Variants in WNK3 observed in about 807,000 individuals in gnomAD.
WNK3 encodes WNK lysine deficient protein kinase 3.
A neutral mutation model predicts 116.7 loss-of-function variants in WNK3; 18 were observed. That is an observed-to-expected ratio of 0.15 (90% CI 0.11 to 0.23). The LOEUF is 0.23. WNK3 is among the 10% of genes least tolerant of loss of function. WNK3 has a pLI of 1.00. For missense variants in WNK3, 993 were observed against 1,323.8 expected (o/e 0.75, Z 3.88); for synonymous variants, 404 against 469.4 (o/e 0.86, Z 1.80).
At chrX:54,326,551 G>C (rs1419602257) in intron 2 of WNK3, among the ~76,000 whole-genome samples, 2 of 110,756 alleles carry the variant, frequency 1.8e-5, no homozygotes, top group Admixed American at 9.7e-5. Context: ...AAAAATTAAA[G>C]ACTGGGTGCA....
At chrX:54,249,754 C>A in intron 16 of WNK3, 120 bp from the exon 17 acceptor site, 1 of 764,813 alleles carries the variant, frequency 1.3e-6, no homozygotes, top group South Asian at 2.8e-5. Context: ...TGAAAGTACT[C>A]TCGTAAATAA....
chrX:54,255,918 C>T, intron 11 of WNK3, 31 bp from the exon 12 acceptor site: 1 of 1,126,024 alleles, frequency 8.9e-7, no homozygotes. Context: ...GTAACTCATT[C>T]CAGTCTTGAC....
chrX:54,235,453 A>G (rs1175158646), intron 20 of WNK3, among the ~76,000 whole-genome samples: 1 of 110,962 alleles, frequency 9.0e-6, no homozygotes, highest in Non-Finnish European at 1.9e-5. Context: ...CGTCTGGCTA[A>G]TTTTTGTATT....
intron 17 of WNK3, among the ~76,000 whole-genome samples, chrX:54,242,056 C>A (rs1284859887): frequency 9.1e-6 from 1 of 110,411 alleles, no homozygotes; most frequent in Non-Finnish European, 1.9e-5. Flanking sequence ...ATAGAAAATC[C>A]AAAATAATCC....
chrX:54,292,144 T>C (rs1371942297), intron 10 of WNK3, among the ~76,000 whole-genome samples: 2 of 111,925 alleles, frequency 1.8e-5, no homozygotes, highest in African/African-American at 3.2e-5. Context: ...GAAATAAACA[T>C]GAACCAAAAC....
At chrX:54,214,989 T>G (rs1416857716) in intron 22 of WNK3, among the ~76,000 whole-genome samples, 1 of 104,950 alleles carries the variant, frequency 9.5e-6, no homozygotes, top group Non-Finnish European at 2.0e-5. Context: ...TGGTGGCGGG[T>G]GCCTATAGTC....
exon 24 of WNK3, chrX:54,198,513 G>T: frequency 8.3e-7 from 1 of 1,209,074 alleles, no homozygotes; most frequent in Non-Finnish European, 1.1e-6. Context: ...ACTGACAAAC[G>T]TGAGGCATTC....
intron 21 of WNK3, among the ~76,000 whole-genome samples, chrX:54,229,903 T>C (rs1193894760): frequency 9.0e-6 from 1 of 111,720 alleles, no homozygotes; most frequent in Non-Finnish European, 1.9e-5. Flanking sequence ...AATGTAAACA[T>C]AAAACTATTA....
At chrX:54,267,472 G>C (rs1557158006) in intron 10 of WNK3, among the ~76,000 whole-genome samples, 1 of 110,758 alleles carries the variant, frequency 9.0e-6, no homozygotes, top group Admixed American at 9.7e-5. Flanking sequence ...TGGAATATGA[G>C]AGAAAGCAAA....
chrX:54,215,830 TC>T (rs1646086095), intron 22 of WNK3, among the ~76,000 whole-genome samples: 1 of 111,531 alleles, frequency 9.0e-6, no homozygotes, highest in Non-Finnish European at 1.9e-5. Context: ...GGCGGTTTTG[TC>T]GACTAGAAAA....
intron 17 of WNK3, among the ~76,000 whole-genome samples, chrX:54,246,862 G>A (rs1341886974): frequency 6.3e-5 from 7 of 111,779 alleles, no homozygotes; most frequent in Admixed American, 4.8e-4. Flanking sequence ...AAAAGTACAA[G>A]AGCATTGCAG....
At chrX:54,346,715 A>C (rs1391031707) in intron 1 of WNK3, among the ~76,000 whole-genome samples, 3 of 111,350 alleles carry the variant, frequency 2.7e-5, no homozygotes, top group Non-Finnish European at 5.6e-5. Context: ...AGTTAACCTC[A>C]ATCATTCTTC....
At chrX:54,295,130 G>C (rs984138667) in intron 7 of WNK3, among the ~76,000 whole-genome samples, 1 of 108,150 alleles carries the variant, frequency 9.2e-6, no homozygotes, top group East Asian at 2.9e-4. Context: ...AATTCCTGAC[G>C]TCGTGATCCA....
intron 2 of WNK3, among the ~76,000 whole-genome samples, chrX:54,325,741 T>TAAATG (rs1176726308): frequency 4.6e-5 from 4 of 87,887 alleles, no homozygotes; most frequent in African/African-American, 1.7e-4. Context: ...AAACAAATGA[T>TAAATG]AAATGTACTG....
At chrX:54,264,853 A>G (rs2068292865) in intron 10 of WNK3, among the ~76,000 whole-genome samples, 1 of 102,300 alleles carries the variant, frequency 9.8e-6, no homozygotes, top group Non-Finnish European at 2.0e-5. Context: ...AGCAACTAAC[A>G]TTTTTTTTTT....
Position 54,279,089 on chromosome X carries a change from T to TAAATA in WNK3, c.2037+13794_2037+13798dup, listed in dbSNP as rs782606388. Among the ~76,000 whole-genome samples, 7 of 107,521 alleles carry TAAATA rather than the reference T, an allele frequency of 6.5e-5. No homozygotes were observed. The South Asian group carries it at 2.3e-3, about 36-fold the overall frequency. 93.4% of individuals were successfully genotyped at this position (107,521 alleles called of 115,157 possible). A position where few individuals can be genotyped will look rare whatever the true frequency, so the allele number is the denominator to read the frequency against. On this transcript the variant is annotated intron_variant, in intron 10 of 23. Transcript: ENST00000354646. ...ATCTCAAAATAAATAAATAAATAAATAAATAAAATAAAATAAATAAAAACA... is the reference window on the plus strand; with the variant it reads ...ATCTCAAAATAAATAAATAAATAAATAAATAAAATAAAATAAAATAAATAAAAACA...
chrX:54,299,506 C>T (rs1199627463), intron 6 of WNK3, among the ~76,000 whole-genome samples: 1 of 97,081 alleles, frequency 1.0e-5, no homozygotes, highest in Non-Finnish European at 2.0e-5. Flanking sequence ...CTCACTGCAA[C>T]CTCCACCTCC....
At chrX:54,316,133 C>T (rs782436947) in intron 2 of WNK3, among the ~76,000 whole-genome samples, 33 of 111,427 alleles carry the variant, frequency 3.0e-4, no homozygotes, top group African/African-American at 1.0e-3. Context: ...CTCTCTCCTC[C>T]GCCAAAATTT....
intron 22 of WNK3, among the ~76,000 whole-genome samples, chrX:54,209,644 G>A (rs939372362): frequency 4.1e-5 from 4 of 96,803 alleles, no homozygotes; most frequent in Middle Eastern, 0.011. Context: ...TCCGCCTCCT[G>A]GATTTAAGCT....
Sources: allele counts gnomAD v4.1 joint callset (sites outside exome capture counted in the v4.1 genomes callset), GRCh38; gene constraint gnomAD v4.1.1; transcripts MANE v1.5; gene names NCBI Gene and HGNC (gene_info 2026-07-23, HGNC 2026-07-21).